Variants in SPARCL1 observed in about 807,000 individuals in gnomAD.
The protein encoded by SPARCL1 is SPARC-like protein 1.
SPARCL1 carries 52 observed loss-of-function variants against 67.1 expected under a neutral mutation model. The ratio of observed to expected loss-of-function variants is 0.78; its 90% CI spans 0.62 to 0.98. SPARCL1 has a LOEUF of 0.98. Among genes scored for constraint, SPARCL1 ranks in the 50% least tolerant of loss-of-function variants. SPARCL1 has a pLI of 0.00. For missense variants in SPARCL1, 717 were observed against 782.4 expected (o/e 0.92, Z 1.00); for synonymous variants, 226 against 267.8 (o/e 0.84, Z 1.52).
Position 87,494,221 on chromosome 4 carries a change from C to T in SPARCL1, c.579G>A (p.Gln193=). The part of the protein sequence containing the change: ...QGLRDQGNQE[Q]DPNISNGEEE... Reference sequence around the variant, plus strand: ...CTTCTCCATTGGAAATATTTGGATCCTGCTCTTGGTTTCCTTGATCCCTTA... The same window carrying T: ...CTTCTCCATTGGAAATATTTGGATCTTGCTCTTGGTTTCCTTGATCCCTTA... The change falls in exon 4 of 11, where the codon CAG becomes CAA. Residue 193 remains glutamine (Q), a synonymous_variant. Coordinates refer to ENST00000282470, the MANE Select transcript of SPARCL1 (RefSeq NM_004684.6). 6.2e-7 allele frequency: 1 copy of T among 1,614,162 alleles called. No individual in the cohort carries two copies. The highest frequency in any genetic ancestry group is 8.5e-7 in the Non-Finnish European group (1 of 1,180,048).
At chr4:87,519,228 G>A (rs1012771857) in intron 1 of SPARCL1, among the ~76,000 whole-genome samples, 13 of 151,820 alleles carry the variant, frequency 8.6e-5, no homozygotes, top group South Asian at 2.1e-4. Context: ...ACACAACCAC[G>A]CCCGGCTAAT....
intron 9 of SPARCL1, 144 bp downstream of exon 9, chr4:87,480,228 G>C (rs888932798): frequency 5.5e-6 from 3 of 547,858 alleles, no homozygotes; most frequent in African/African-American, 3.9e-5. Flanking sequence ...GCAGCTTTGT[G>C]TTTAGACTCC....
chr4:87,498,290 C>G (rs1032735924), intron 2 of SPARCL1, among the ~76,000 whole-genome samples: 2 of 152,164 alleles, frequency 1.3e-5, no homozygotes, highest in African/African-American at 2.4e-5. Context: ...ACAGCTTGGT[C>G]TGGGTGCCAT....
chr4:87,522,551 C>T (rs912782487), intron 1 of SPARCL1, among the ~76,000 whole-genome samples: 50 of 151,730 alleles, frequency 3.3e-4, no homozygotes, highest in African/African-American at 7.0e-4. Context: ...AAATAGGCCA[C>T]GATCCCTCTT....
In SPARCL1 at chr4:87,490,876, A is replaced by G; in HGVS notation, c.1294T>C (p.Ser432Pro). ...EGNMRVHAVD[S>P]CMSFQCKRGH... The stretch of plus-strand genomic sequence containing the variant: ...CTTTTACACTGGAAGCTCATGCAAG[A>G]ATCTAACAGAAAAGATTGGGCAGGA... The change falls in exon 6 of 11, where the codon TCT (serine) becomes CCT (proline). Residue 432 changes from serine (S) to proline (P), a missense_variant and splice_region_variant. Physicochemically the swap from Ser to Pro is moderately conservative, Grantham distance 74 (BLOSUM62 -1). Transcript: ENST00000282470. 6.4e-7 allele frequency: 1 copy of G among 1,561,270 alleles called. No homozygotes were observed.
At chr4:87,482,353 C>G in intron 8 of SPARCL1, 71 bp downstream of exon 8, 1 of 1,540,174 alleles carries the variant, frequency 6.5e-7, no homozygotes, top group South Asian at 1.1e-5. Flanking sequence ...GGTAGGTAGC[C>G]CCCCCACCAC....
At chr4:87,476,636 A>G (rs1479276414) in intron 10 of SPARCL1, among the ~76,000 whole-genome samples, 2 of 152,180 alleles carry the variant, frequency 1.3e-5, no homozygotes, top group Non-Finnish European at 2.9e-5. Flanking sequence ...TTTTCTGACG[A>G]TTAGCATGGG....
At chr4:87,518,690 A>G (rs531619438) in intron 1 of SPARCL1, among the ~76,000 whole-genome samples, 4 of 152,338 alleles carry the variant, frequency 2.6e-5, no homozygotes, top group African/African-American at 7.2e-5. Flanking sequence ...AAATTATTGA[A>G]AAGTTTTTCT....
At chr4:87,492,834 T>C (rs1232301111) in intron 4 of SPARCL1, among the ~76,000 whole-genome samples, 1 of 152,176 alleles carries the variant, frequency 6.6e-6, no homozygotes, top group Admixed American at 6.5e-5. Context: ...CCAAATATGC[T>C]TCCTCCCTGC....
intron 1 of SPARCL1, among the ~76,000 whole-genome samples, chr4:87,512,778 C>T (rs1298733677): frequency 1.3e-5 from 2 of 152,106 alleles, no homozygotes; most frequent in East Asian, 3.9e-4. Context: ...TTTACAGCAA[C>T]CGAAAACCAA....
chr4:87,474,743 C>CTTTTTTTTTTTTTTTTTTTT (rs11397474), intron 10 of SPARCL1, among the ~76,000 whole-genome samples: 1 of 130,712 alleles, frequency 7.7e-6, no homozygotes, highest in Non-Finnish European at 1.6e-5. Context: ...CTCTCTCTCT[C>CTTTTTTTTTTTTTTTTTTTT]TTTTTTTTTT....
In SPARCL1 at chr4:87,494,264, C is replaced by G. The variant is rs143076536; in HGVS notation, c.536G>C (p.Ser179Thr). 3.0e-4 allele frequency: 481 copies of G among 1,614,024 alleles called. No homozygotes were observed. Among genetic ancestry groups the G allele is most frequent in the Non-Finnish European group, 3.8e-4 (454 of 1,180,004 alleles). The change falls in exon 4 of 11, where the codon AGT (serine) becomes ACT (threonine). Residue 179 changes from serine (S) to threonine (T), a missense_variant. Physicochemically the swap from Ser to Thr is moderately conservative, Grantham distance 58. Coordinates refer to ENST00000282470, the MANE Select transcript of SPARCL1 (RefSeq NM_004684.6). ...ATCCCTTAGGCCTTGGCTATGTTTACTGCTCCTGTTCAACTGATGATGTGA... is the reference window on the plus strand; with the variant it reads ...ATCCCTTAGGCCTTGGCTATGTTTAGTGCTCCTGTTCAACTGATGATGTGA... The part of the protein sequence containing the change: ...NYSHHQLNRS[S>T]KHSQGLRDQG...
At position 87,494,740 on chromosome 4, in the gene SPARCL1, C is replaced by A. The variant is rs1370149735; in HGVS notation, c.202-142G>T. On this transcript the variant is annotated intron_variant, in intron 3 of 10. Coordinates refer to ENST00000282470, the MANE Select transcript of SPARCL1 (RefSeq NM_004684.6). ...TTATAATATTCCTCACACTCTGTAGCCACAGGTTTAAACTGAATTTGGATT... is the reference window on the plus strand; with the variant it reads ...TTATAATATTCCTCACACTCTGTAGACACAGGTTTAAACTGAATTTGGATT... 4 of 887,562 alleles carry A rather than the reference C, an allele frequency of 4.5e-6. No individual in the cohort carries two copies. The African/African-American group carries it at 5.1e-5, about 11-fold the overall frequency. The allele number at this position is 887,562 out of a possible 1,614,324, so 55.0% of individuals were successfully genotyped here. A position where few individuals can be genotyped will look rare whatever the true frequency, so the allele number is the denominator to read the frequency against.
At chr4:87,516,834 T>C (rs532898066) in intron 1 of SPARCL1, among the ~76,000 whole-genome samples, 2 of 152,246 alleles carry the variant, frequency 1.3e-5, no homozygotes, top group Non-Finnish European at 2.9e-5. Context: ...TTACCCAAGC[T>C]TGTGCAATAG....
At chr4:87,526,647 A>G (rs1578121045) in intron 1 of SPARCL1, among the ~76,000 whole-genome samples, 1 of 152,190 alleles carries the variant, frequency 6.6e-6, no homozygotes, top group East Asian at 1.9e-4. Flanking sequence ...TCTGAAGCCC[A>G]TGCTCTGTCC....
intron 1 of SPARCL1, among the ~76,000 whole-genome samples, chr4:87,511,071 G>A (rs1043749876): frequency 4.6e-5 from 7 of 152,240 alleles, no homozygotes; most frequent in Non-Finnish European, 1.0e-4. Context: ...CCTGCCGCGA[G>A]TTCCGTGAAG....
At chr4:87,506,719 A>G (rs1230993892) in intron 1 of SPARCL1, among the ~76,000 whole-genome samples, 3 of 152,148 alleles carry the variant, frequency 2.0e-5, no homozygotes, top group Non-Finnish European at 2.9e-5. Flanking sequence ...CTGACTGCAG[A>G]TCTTGGGACT....
At chr4:87,485,019 A>G (rs1393170597) in intron 7 of SPARCL1, among the ~76,000 whole-genome samples, 1 of 151,972 alleles carries the variant, frequency 6.6e-6, no homozygotes, top group Non-Finnish European at 1.5e-5. Context: ...AAACAGGGAC[A>G]ATTTGACTTC....
intron 1 of SPARCL1, among the ~76,000 whole-genome samples, chr4:87,517,775 C>A (rs1479665450): frequency 2.6e-5 from 4 of 152,168 alleles, no homozygotes; most frequent in Non-Finnish European, 4.4e-5. Context: ...GTGCTTTCAG[C>A]TCTGTGAATG....
Sources: allele counts gnomAD v4.1 joint callset (sites outside exome capture counted in the v4.1 genomes callset), GRCh38; gene constraint gnomAD v4.1.1; transcripts MANE v1.5; gene names NCBI Gene and HGNC (gene_info 2026-07-23, HGNC 2026-07-21).